Variants in MMP20 observed in about 807,000 individuals in gnomAD.
The protein encoded by MMP20 is matrix metallopeptidase 20.
MMP20 carries 50 observed loss-of-function variants against 51.8 expected under a neutral mutation model. That is an observed-to-expected ratio of 0.97 (90% CI 0.77 to 1.22). The LOEUF (loss-of-function observed/expected upper bound fraction) is 1.22. MMP20 is among the 50% of genes most tolerant of loss of function. The probability of loss-of-function intolerance (pLI) is 0.00; values close to 1 mark genes in which losing one functional copy is unlikely to be tolerated. For missense variants in MMP20, 663 were observed against 601.4 expected (o/e 1.10, Z -1.07); for synonymous variants, 244 against 216.2 (o/e 1.13, Z -1.13).
At position 102,579,112 on chromosome 11, in the gene MMP20, T is replaced by C. The variant is rs1859163208; in HGVS notation, c.1278A>G (p.Lys426=). Residue 426 remains lysine (K), a synonymous_variant, in exon 9 of 10, where the codon AAA becomes AAG. Transcript: ENST00000260228. The stretch of plus-strand genomic sequence containing the variant: ...CTTCTTCAGTATTCTTTGGATAGTC[T>C]TTTTCCATTTTCCTTTTCCTTTCGT... ...SYDERKRKME[K]DYPKNTEEEF... is the part of the protein sequence containing the mutation. 2 of 1,612,600 alleles carry C rather than the reference T, an allele frequency of 1.2e-6. No individual in the cohort carries two copies.
chr11:102,625,055 T>G (rs1859802905), intron 1 of MMP20, 139 bp downstream of exon 1: 5 of 1,089,350 alleles, frequency 4.6e-6, no homozygotes, highest in Non-Finnish European at 6.8e-6. Flanking sequence ...GGACAGAAGA[T>G]AGCATCAGTT....
chr11:102,613,829 C>T (rs973841971), intron 2 of MMP20, among the ~76,000 whole-genome samples: 2 of 152,160 alleles, frequency 1.3e-5, no homozygotes, highest in African/African-American at 4.8e-5. Flanking sequence ...ATGCCAAGCC[C>T]ACTGCATAAT....
chr11:102,582,249 T>A (rs1386108534), intron 8 of MMP20, among the ~76,000 whole-genome samples: 2 of 152,202 alleles, frequency 1.3e-5, no homozygotes, highest in Admixed American at 6.5e-5. Context: ...GTTTTGATTG[T>A]GCTGATTTCA....
Position 102,611,746 on chromosome 11 carries a change from C to G in MMP20, c.523+9G>C. The G allele has an allele frequency of 6.2e-7, 1 of 1,613,444 alleles. No individual in the cohort carries two copies. Among genetic ancestry groups the G allele is most frequent in the Non-Finnish European group, 8.5e-7 (1 of 1,179,956 alleles). ...TGAATTAGTAGATGGAATCCAAGTA[C>G]CACAATACCTCCATTTTCAAAAGAT... is the stretch of plus-strand genomic sequence containing the variant. On this transcript the variant is annotated intron_variant, in intron 3 of 9. Coordinates refer to ENST00000260228, the MANE Select transcript of MMP20 (RefSeq NM_004771.4).
intron 8 of MMP20, among the ~76,000 whole-genome samples, chr11:102,583,101 G>A (rs905833529): frequency 2.0e-5 from 3 of 152,154 alleles, no homozygotes; most frequent in Non-Finnish European, 4.4e-5. Flanking sequence ...ACAAATTGAA[G>A]CTGCTTCTTG....
intron 8 of MMP20, 28 bp from the exon 9 acceptor site, chr11:102,579,170 T>C (rs1299554083): frequency 1.3e-6 from 2 of 1,516,788 alleles, no homozygotes; most frequent in Admixed American, 1.7e-5. Flanking sequence ...TCATAAATAA[T>C]ATTACTAAGA....
intron 8 of MMP20, among the ~76,000 whole-genome samples, chr11:102,591,073 T>C (rs1859311579): frequency 6.6e-6 from 1 of 152,246 alleles, no homozygotes; most frequent in African/African-American, 2.4e-5. Context: ...AAATTAAATT[T>C]CAAACCAATA....
chr11:102,585,311 AT>A (rs1859242629), intron 8 of MMP20, among the ~76,000 whole-genome samples: 1 of 152,026 alleles, frequency 6.6e-6, no homozygotes, highest in Admixed American at 6.5e-5. Context: ...ACAAAACAAC[AT>A]TTTCCATTTC....
intron 9 of MMP20, 107 bp downstream of exon 9, chr11:102,578,931 TA>T: frequency 1.2e-6 from 1 of 804,556 alleles, no homozygotes; most frequent in Non-Finnish European, 2.2e-6. Context: ...AGACCAAATA[TA>T]AAAACCAAGG....
intron 6 of MMP20, among the ~76,000 whole-genome samples, chr11:102,601,327 T>G (rs1591615599): frequency 1.1e-5 from 1 of 91,930 alleles, no homozygotes; most frequent in African/African-American, 3.7e-5. Context: ...AGAGACGGGG[T>G]TTCACCGTTT....
chr11:102,590,086 T>C (rs1859300349), intron 8 of MMP20, among the ~76,000 whole-genome samples: 1 of 152,142 alleles, frequency 6.6e-6, no homozygotes, highest in South Asian at 2.1e-4. Flanking sequence ...CAGAAATCAT[T>C]GACTATCTTG....
intron 6 of MMP20, among the ~76,000 whole-genome samples, chr11:102,597,431 G>T (rs1859394940): frequency 6.6e-6 from 1 of 152,170 alleles, no homozygotes; most frequent in Admixed American, 6.5e-5. Context: ...ATTGATGTAG[G>T]ATATCGTGAG....
chr11:102,589,715 A>G (rs1859295380), intron 8 of MMP20, among the ~76,000 whole-genome samples: 1 of 152,202 alleles, frequency 6.6e-6, no homozygotes. Flanking sequence ...CTTCTCTTGA[A>G]TGTCACTAGT....
chr11:102,605,950 G>A (rs896960044), intron 6 of MMP20, among the ~76,000 whole-genome samples: 1 of 152,166 alleles, frequency 6.6e-6, no homozygotes, highest in Admixed American at 6.5e-5. Flanking sequence ...AAGGCCCGGA[G>A]GCACTGAAAA....
At chr11:102,607,250 G>A (rs1859529893) in intron 5 of MMP20, 1 of 165,892 alleles carries the variant, frequency 6.0e-6, no homozygotes, top group Non-Finnish European at 1.3e-5. Context: ...GTACACTGAA[G>A]GTGTTTGCTA....
intron 6 of MMP20, among the ~76,000 whole-genome samples, chr11:102,598,674 A>T (rs1408569165): frequency 6.6e-6 from 1 of 152,188 alleles, no homozygotes; most frequent in Non-Finnish European, 1.5e-5. Flanking sequence ...GCTCTTTGCT[A>T]GTTCCTTGAA....
rs1483484731 is a variant in MMP20 at position 102,608,928 on chromosome 11, T to C, written c.811+9A>G. The C allele has an allele frequency of 3.1e-6, 5 of 1,613,688 alleles. No individual in the cohort carries two copies. Among genetic ancestry groups the C allele is most frequent in the Non-Finnish European group, 3.4e-6 (4 of 1,179,584 alleles). On this transcript the variant is annotated intron_variant, in intron 5 of 9. Coordinates refer to ENST00000260228, the MANE Select transcript of MMP20 (RefSeq NM_004771.4). ...CAGGGTGAGTCATCAAAGAAGGTAATAATCTTACCGTATAATGCCTGGATC... is the reference window on the plus strand; with the variant it reads ...CAGGGTGAGTCATCAAAGAAGGTAACAATCTTACCGTATAATGCCTGGATC...
At chr11:102,602,346 A>G (rs561335247) in intron 6 of MMP20, among the ~76,000 whole-genome samples, 53 of 37,506 alleles carry the variant, frequency 1.4e-3, no homozygotes, top group African/African-American at 3.7e-3. Flanking sequence ...GATTAAAAAA[A>G]TATATAGAAT....
intron 1 of MMP20, among the ~76,000 whole-genome samples, chr11:102,620,639 C>A (rs756987173): frequency 6.6e-6 from 1 of 152,190 alleles, no homozygotes; most frequent in Non-Finnish European, 1.5e-5. Flanking sequence ...CCCTTCCAAG[C>A]CCTTATTCCG....
Sources: allele counts gnomAD v4.1 joint callset (sites outside exome capture counted in the v4.1 genomes callset), GRCh38; gene constraint gnomAD v4.1.1; transcripts MANE v1.5; gene names NCBI Gene and HGNC (gene_info 2026-07-23, HGNC 2026-07-21).